The following MARCHF1 variants were observed in gnomAD, a reference collection of about 807,000 sequenced individuals.
MARCHF1 encodes the protein membrane associated ring-CH-type finger 1.
In MARCHF1, 40 loss-of-function variants were observed where a neutral mutation model predicts 54.2. The observed-to-expected ratio is 0.74, with a 90% CI of 0.57 to 0.96. MARCHF1 has a LOEUF of 0.96. MARCHF1 is among the 40% of genes least tolerant of loss of function. The pLI, the probability that MARCHF1 is intolerant of heterozygous loss-of-function variation, is 0.00. For synonymous variants in MARCHF1, 236 were observed against 236.3 expected (o/e 1.00, Z 0.01); for missense variants, 586 against 656.5 (o/e 0.89, Z 1.17).
chr4:163,992,969 A>G (rs981984913), intron 2 of MARCHF1, among the ~76,000 whole-genome samples: 1 of 151,980 alleles, frequency 6.6e-6, no homozygotes, highest in Non-Finnish European at 1.5e-5. Context: ...TCAAAGTGTC[A>G]TTGCAAAGAG....
intron 3 of MARCHF1, among the ~76,000 whole-genome samples, chr4:163,861,829 A>G (rs1042166646): frequency 6.6e-6 from 1 of 150,980 alleles, no homozygotes; most frequent in African/African-American, 2.4e-5. Context: ...AAAATTTACT[A>G]TAAAGTTACA....
At chr4:164,119,180 A>G (rs1422663929) in intron 1 of MARCHF1, among the ~76,000 whole-genome samples, 1 of 151,716 alleles carries the variant, frequency 6.6e-6, no homozygotes, top group Non-Finnish European at 1.5e-5. Flanking sequence ...GTCACAATGC[A>G]ATAAAACTAA....
At chr4:163,717,086 G>A (rs949572555) in intron 4 of MARCHF1, among the ~76,000 whole-genome samples, 1 of 151,048 alleles carries the variant, frequency 6.6e-6, no homozygotes, top group Non-Finnish European at 1.5e-5. Context: ...ATGTTGGTGT[G>A]CTGCACCCAT....
At chr4:164,348,928 G>A (rs1407448735) in intron 1 of MARCHF1, among the ~76,000 whole-genome samples, 1 of 152,156 alleles carries the variant, frequency 6.6e-6, no homozygotes. Flanking sequence ...ATACTCTAGT[G>A]AAGACAGTTA....
rs552366358 is a variant in MARCHF1, at chr4:163,840,331, C to T, written c.111+13690G>A. ...CTGAAAGGAAAGCAGACATTTGTGT[C>T]GAAAGGAAGTAGAAAAAGGCAGATG... On this transcript the variant is annotated intron_variant, in intron 4 of 9. Coordinates refer to ENST00000514618, the MANE Select transcript of MARCHF1 (RefSeq NM_001394959.1). Among the ~76,000 whole-genome samples the T allele has an allele frequency of 1.1e-4, 17 of 152,036 alleles. No individual in the cohort carries two copies. The East Asian group carries it at 1.9e-3, about 17-fold the overall frequency.
At chr4:163,651,367 T>C (rs1329205058) in intron 5 of MARCHF1, among the ~76,000 whole-genome samples, 1 of 151,806 alleles carries the variant, frequency 6.6e-6, no homozygotes, top group African/African-American at 2.4e-5. Context: ...TCCTAGTACT[T>C]TCTGTTTCAT....
intron 1 of MARCHF1, among the ~76,000 whole-genome samples, chr4:164,130,502 T>A (rs1251218913): frequency 6.6e-6 from 1 of 152,170 alleles, no homozygotes; most frequent in African/African-American, 2.4e-5. Context: ...AGCTGCAATA[T>A]CATTATGTTT....
At chr4:163,809,137 A>C (rs375673681) in intron 4 of MARCHF1, among the ~76,000 whole-genome samples, 2 of 152,244 alleles carry the variant, frequency 1.3e-5, no homozygotes, top group South Asian at 4.1e-4. Flanking sequence ...ATAACAATCA[A>C]CAACACACGA....
intron 1 of MARCHF1, among the ~76,000 whole-genome samples, chr4:164,360,210 C>G (rs552031086): frequency 1.3e-5 from 2 of 151,864 alleles, no homozygotes; most frequent in Non-Finnish European, 2.9e-5. Flanking sequence ...CCAGCTGTAT[C>G]CACTGGCAAA....
chr4:164,326,325 TA>T (rs1735280826), intron 1 of MARCHF1, among the ~76,000 whole-genome samples: 2 of 152,206 alleles, frequency 1.3e-5, no homozygotes, highest in South Asian at 4.1e-4. Context: ...TCTTCTGATC[TA>T]GGCATCCAGC....
At chr4:163,777,638 C>A (rs1399437057) in intron 4 of MARCHF1, among the ~76,000 whole-genome samples, 1 of 152,038 alleles carries the variant, frequency 6.6e-6, no homozygotes, top group Non-Finnish European at 1.5e-5. Flanking sequence ...TTTGTATTTT[C>A]ATTTTCTTAA....
intron 4 of MARCHF1, among the ~76,000 whole-genome samples, chr4:163,777,130 A>C (rs1195190810): frequency 1.3e-5 from 2 of 152,204 alleles, no homozygotes; most frequent in Non-Finnish European, 2.9e-5. Flanking sequence ...GTCTTCTCAG[A>C]AGCGTTGGTC....
intron 1 of MARCHF1, among the ~76,000 whole-genome samples, chr4:164,307,685 G>T (rs1734733181): frequency 6.6e-6 from 1 of 152,200 alleles, no homozygotes; most frequent in Non-Finnish European, 1.5e-5. Flanking sequence ...CTCTACATAA[G>T]AGACTGGGCC....
chr4:164,061,699 TA>T (rs372864572), intron 2 of MARCHF1, among the ~76,000 whole-genome samples: 6,040 of 151,184 alleles, frequency 0.04, 232 homozygotes, highest in East Asian at 0.11. Context: ...AAATAAAAAT[TA>T]AAAAAAACAA....
At chr4:164,313,454 T>C (rs1734920272) in intron 1 of MARCHF1, among the ~76,000 whole-genome samples, 1 of 152,024 alleles carries the variant, frequency 6.6e-6, no homozygotes. Context: ...TCTAAGCTTA[T>C]TGATAGAGCT....
At chr4:163,580,886 T>C (rs1740210910) in intron 8 of MARCHF1, among the ~76,000 whole-genome samples, 1 of 108,464 alleles carries the variant, frequency 9.2e-6, no homozygotes, top group South Asian at 3.0e-4. Context: ...CACTGCAAGC[T>C]CCGCTTCCCG....
Position 163,737,154 on chromosome 4 carries a change from TTTTTTCTTTC to T in MARCHF1, c.112-36301_112-36292del, listed in dbSNP as rs1462198707. On this transcript the variant is annotated intron_variant, in intron 4 of 9. Coordinates refer to ENST00000514618, the MANE Select transcript of MARCHF1 (RefSeq NM_001394959.1). ...TAAGTCACTTATCAGCGCTCGCAGC[TTTTTTCTTTC>T]TTTTTTTTTTTTTTTTTTCACATAT... is the stretch of plus-strand genomic sequence containing the variant. Among the ~76,000 whole-genome samples, 174 of 97,446 alleles carry T rather than the reference TTTTTTCTTTC, an allele frequency of 1.8e-3. 24 individuals carry two copies. The highest frequency in any genetic ancestry group is 7.2e-3 in the East Asian group (31 of 4,286). 63.9% of individuals were successfully genotyped at this position (97,446 alleles called of 152,430 possible).
At chr4:163,862,885 A>G (rs986446453) in intron 3 of MARCHF1, among the ~76,000 whole-genome samples, 2 of 152,112 alleles carry the variant, frequency 1.3e-5, no homozygotes, top group African/African-American at 4.8e-5. Context: ...CAGTAATTAA[A>G]GGAAATTACC....
At chr4:163,845,331 G>A (rs1749452772) in intron 4 of MARCHF1, among the ~76,000 whole-genome samples, 1 of 151,994 alleles carries the variant, frequency 6.6e-6, no homozygotes, top group Admixed American at 6.6e-5. Context: ...ACTCAACAAA[G>A]ACAAGGCTAA....
Sources: gnomAD v4.1 joint callset for allele counts (sites outside exome capture counted in the v4.1 genomes callset) on GRCh38, gnomAD v4.1.1 for gene constraint, MANE v1.5 for transcripts, NCBI Gene and HGNC (gene_info 2026-07-23, HGNC 2026-07-21) for gene names.